PCSK6: variants seen among roughly 807,000 people sequenced by gnomAD.
PCSK6 encodes paired basic amino acid cleaving enzyme 4.
A neutral mutation model predicts 123.3 loss-of-function variants in PCSK6; 85 were observed. That is an observed-to-expected ratio of 0.69 (90% confidence interval 0.58 to 0.83). The LOEUF is 0.83. Ranked by LOEUF, PCSK6 falls within the 40% of genes least tolerant of loss-of-function variation. The pLI is 0.00. For synonymous variants in PCSK6, 508 were observed against 516.0 expected, an observed-to-expected ratio of 0.98 and a Z score of 0.21; for missense variants, 1,191 against 1,282.3, an observed-to-expected ratio of 0.93 and a Z score of 1.09.
At chr15:101,481,080 C>G (rs767395191) in intron 1 of PCSK6, among the ~76,000 whole-genome samples, 3 of 152,166 alleles carry the variant, frequency 2.0e-5, no homozygotes, top group Admixed American at 1.3e-4. Flanking sequence ...TGCCGGCCAC[C>G]ACAGAGGTGG....
intron 6 of PCSK6, among the ~76,000 whole-genome samples, chr15:101,409,367 C>T (rs529286684): frequency 2.6e-5 from 4 of 152,128 alleles, no homozygotes; most frequent in East Asian, 1.9e-4. Flanking sequence ...GGGCGGATCA[C>T]GAGGTCAGGA....
chr15:101,462,418 A>G (rs1463535758), intron 1 of PCSK6, among the ~76,000 whole-genome samples: 1 of 152,248 alleles, frequency 6.6e-6, no homozygotes, highest in East Asian at 1.9e-4. Context: ...GTTTTGTGGA[A>G]CTTGTCAAGT....
At chr15:101,365,176 C>T (rs2041351341) in intron 13 of PCSK6, 1 of 480,896 alleles carries the variant, frequency 2.1e-6, no homozygotes, top group Non-Finnish European at 3.8e-6. Context: ...CATGTAAGAG[C>T]TATAACACTC....
At chr15:101,392,593 C>CTTTTTTT (rs10525638) in intron 8 of PCSK6, among the ~76,000 whole-genome samples, 3,690 of 122,216 alleles carry the variant, frequency 0.03, 134 homozygotes, top group Middle Eastern at 0.07. Flanking sequence ...CTCCCTTCCT[C>CTTTTTTT]TTTTTTTTTT....
intron 13 of PCSK6, among the ~76,000 whole-genome samples, chr15:101,346,139 A>G (rs1007816475): frequency 6.6e-6 from 1 of 152,272 alleles, no homozygotes; most frequent in Non-Finnish European, 1.5e-5. Context: ...CAAATTGGCA[A>G]TATGTATCAA....
intron 6 of PCSK6, among the ~76,000 whole-genome samples, chr15:101,426,905 G>A (rs1187096154): frequency 6.6e-6 from 1 of 152,220 alleles, no homozygotes; most frequent in Non-Finnish European, 1.5e-5. Flanking sequence ...GTTTCCCACT[G>A]CAGCCACCTG....
intron 5 of PCSK6, among the ~76,000 whole-genome samples, chr15:101,428,785 C>G (rs1278157014): frequency 6.6e-6 from 1 of 152,232 alleles, no homozygotes; most frequent in African/African-American, 2.4e-5. Context: ...AGAGAGTCAT[C>G]TGTCCTTCCC....
At chr15:101,447,239 T>C (rs1015466063) in intron 1 of PCSK6, among the ~76,000 whole-genome samples, 2 of 151,968 alleles carry the variant, frequency 1.3e-5, no homozygotes, top group Admixed American at 6.6e-5. Flanking sequence ...GGTGCCTTCA[T>C]GGGGAAGGGG....
In PCSK6 at chr15:101,322,574, C is replaced by T. The variant is rs936110341; in HGVS notation, c.2411G>A (p.Cys804Tyr). 9 of 1,613,568 alleles carry T rather than the reference C, an allele frequency of 5.6e-6. No individual in the cohort carries two copies. The highest frequency in any genetic ancestry group is 4.0e-5 in the African/African-American group (3 of 74,896). ...QKNCLKCHPSCKKCVDEPEKC... is the reference protein window; with the variant it reads ...QKNCLKCHPSYKKCVDEPEKC... Reference sequence around the variant, plus strand: ...CTCAGGTTCATCCACGCACTTTTTACAGCTTGGGTGGCATTTAAGGCAATT... The same window carrying T: ...CTCAGGTTCATCCACGCACTTTTTATAGCTTGGGTGGCATTTAAGGCAATT... Residue 804 changes from cysteine (C) to tyrosine (Y), a missense_variant, in exon 18 of 22, where the codon TGT (cysteine) becomes TAT (tyrosine). Transcript: ENST00000611716.
At chr15:101,325,675 A>G (rs1434954252) in intron 16 of PCSK6, among the ~76,000 whole-genome samples, 1 of 152,216 alleles carries the variant, frequency 6.6e-6, no homozygotes, top group East Asian at 1.9e-4. Context: ...AGAATGGACA[A>G]CAGGGCAGCT....
At chr15:101,369,281 A>C (rs750196599) in intron 12 of PCSK6, among the ~76,000 whole-genome samples, 131 of 152,312 alleles carry the variant, frequency 8.6e-4, no homozygotes, top group South Asian at 2.3e-3. Context: ...TGTCTCATAC[A>C]AAGTGGTGGG....
At chr15:101,475,220 T>G (rs1389964244) in intron 1 of PCSK6, among the ~76,000 whole-genome samples, 1 of 152,194 alleles carries the variant, frequency 6.6e-6, no homozygotes, top group Non-Finnish European at 1.5e-5. Context: ...TACTCATCTC[T>G]GAATTACACT....
At chr15:101,442,625 AAGT>A (rs2056786022) in intron 2 of PCSK6, among the ~76,000 whole-genome samples, 1 of 152,056 alleles carries the variant, frequency 6.6e-6, no homozygotes, top group Non-Finnish European at 1.5e-5. Context: ...ACTTTACTCT[AAGT>A]ATTTTCTGGA....
chr15:101,397,018 G>A (rs184701746), intron 7 of PCSK6, among the ~76,000 whole-genome samples: 1 of 152,270 alleles, frequency 6.6e-6, no homozygotes, highest in Non-Finnish European at 1.5e-5. Context: ...CACACTTGCA[G>A]AGTGACACCA....
chr15:101,329,278 T>C (rs746720882), intron 15 of PCSK6, among the ~76,000 whole-genome samples: 14 of 152,232 alleles, frequency 9.2e-5, no homozygotes, highest in Admixed American at 7.2e-4. Flanking sequence ...GAGTTCTCCA[T>C]GTGCTTTGCC....
chr15:101,416,414 G>C (rs2055888816), intron 6 of PCSK6, among the ~76,000 whole-genome samples: 1 of 152,216 alleles, frequency 6.6e-6, no homozygotes. Context: ...TTTTAAAAGG[G>C]AAGCAGAGCA....
At chr15:101,345,000 T>C (rs777941599) in intron 13 of PCSK6, among the ~76,000 whole-genome samples, 1 of 152,226 alleles carries the variant, frequency 6.6e-6, no homozygotes, top group Non-Finnish European at 1.5e-5. Flanking sequence ...TGTATGCCTT[T>C]AGTGAAACTA....
At chr15:101,472,030 T>C (rs112018024) in intron 1 of PCSK6, among the ~76,000 whole-genome samples, 677 of 64,896 alleles carry the variant, frequency 0.01, 7 homozygotes, top group African/African-American at 0.027. Flanking sequence ...CACGAAATTG[T>C]GATAAAAAAA....
intron 20 of PCSK6, among the ~76,000 whole-genome samples, chr15:101,311,593 T>G (rs1219271760): frequency 6.6e-6 from 1 of 151,984 alleles, no homozygotes; most frequent in East Asian, 1.9e-4. Flanking sequence ...CAACCTCAGG[T>G]ATTTCTTTTT....
Sources: allele counts gnomAD v4.1 joint callset (sites outside exome capture counted in the v4.1 genomes callset), GRCh38; gene constraint gnomAD v4.1.1; transcripts MANE v1.5; gene names NCBI Gene and HGNC (gene_info 2026-07-23, HGNC 2026-07-21).